The following LAMP2 variants were observed in gnomAD, a reference collection of about 807,000 sequenced individuals.
LAMP2 encodes lysosome-associated membrane glycoprotein 2.
LAMP2 carries 4 observed loss-of-function variants against 25.6 expected under a neutral mutation model. The ratio of observed to expected loss-of-function variants is 0.16; its 90% CI spans 0.08 to 0.36. The LOEUF is 0.36. Among genes scored for constraint, LAMP2 ranks in the 10% least tolerant of loss-of-function variants. The pLI, the probability that LAMP2 is intolerant of heterozygous loss-of-function variation, is 1.00. For synonymous variants in LAMP2, 108 were observed against 112.7 expected (o/e 0.96, Z 0.27); for missense variants, 272 against 301.4 (o/e 0.90, Z 0.72).
rs775432228 is a variant in LAMP2 at position 120,448,993 on chromosome X, T to C, written c.533A>G (p.Gln178Arg). The stretch of plus-strand genomic sequence containing the variant: ...ACCATTTGTGCTCACTGTGCCATTT[T>C]GGACAAAAGCTTGTACAAGAACATC... ...YWDVLVQAFV[Q>R]NGTVSTNEFL... is the part of the protein sequence containing the mutation. The change falls in exon 4 of 9, where the codon CAA becomes CGA. Residue 178 changes from glutamine (Q) to arginine (R), a missense_variant. Coordinates refer to ENST00000200639, the MANE Select transcript of LAMP2 (RefSeq NM_002294.3). The C allele has an allele frequency of 7.4e-6, 9 of 1,209,081 alleles. No homozygotes were observed. The East Asian group carries it at 2.7e-4, about 36-fold the overall frequency.
chrX:120,465,872 T>C (rs867991587), intron 1 of LAMP2, among the ~76,000 whole-genome samples: 7 of 112,284 alleles, frequency 6.2e-5, no homozygotes, highest in Non-Finnish European at 1.1e-4. Flanking sequence ...CATTTTGATA[T>C]AGAAAAGTAA....
chrX:120,463,914 C>T (rs779157620), intron 1 of LAMP2, among the ~76,000 whole-genome samples: 12 of 104,571 alleles, frequency 1.1e-4, no homozygotes, highest in African/African-American at 3.3e-4. Flanking sequence ...TTCTGTTTTT[C>T]GTTTTTTTTT....
At chrX:120,468,279 G>T (rs1055973837) in intron 1 of LAMP2, among the ~76,000 whole-genome samples, 1 of 111,236 alleles carries the variant, frequency 9.0e-6, no homozygotes, top group South Asian at 3.8e-4. Context: ...AACGTCTGGG[G>T]ATTTTTTTGT....
rs2058513242 is a variant in LAMP2 at position 120,429,278 on chromosome X, T to C, written c.*2045A>G. On this transcript the variant is annotated 3_prime_UTR_variant, in exon 9 of 9. Coordinates refer to ENST00000200639, the MANE Select transcript of LAMP2 (RefSeq NM_002294.3). The stretch of plus-strand genomic sequence containing the variant: ...CCACCGAACCACCAGGAAAGCAACA[T>C]GTGCAATGTAGATTTTGAGTTCTGG... The C allele has an allele frequency of 2.7e-6, 2 of 746,737 alleles. No homozygotes were observed. The highest frequency in any genetic ancestry group is 9.0e-5 in the Admixed American group (1 of 11,161). 61.5% of individuals were successfully genotyped at this position (746,737 alleles called of 1,213,427 possible).
At chrX:120,441,316 G>A (rs1602531848) in intron 8 of LAMP2, among the ~76,000 whole-genome samples, 1 of 112,052 alleles carries the variant, frequency 8.9e-6, no homozygotes, top group Non-Finnish European at 1.9e-5. Flanking sequence ...CATGATATTT[G>A]AGGCTTTGCT....
At chrX:120,464,583 G>T (rs1005017578) in intron 1 of LAMP2, among the ~76,000 whole-genome samples, 2 of 111,492 alleles carry the variant, frequency 1.8e-5, no homozygotes, top group African/African-American at 6.5e-5. Context: ...TTCCCCAGAT[G>T]GTCACATGGC....
At chrX:120,433,740 T>G (rs2058531990) in intron 8 of LAMP2, among the ~76,000 whole-genome samples, 1 of 112,051 alleles carries the variant, frequency 8.9e-6, no homozygotes, top group African/African-American at 3.2e-5. Flanking sequence ...CTTGTTGCCC[T>G]AGTTCTCTGC....
At position 120,427,776 on chromosome X, in the gene LAMP2, A is replaced by T. The variant is rs994007432; in HGVS notation, c.*3547T>A. 3 of 111,417 alleles carry T rather than the reference A, an allele frequency of 2.7e-5. No individual in the cohort carries two copies. Among genetic ancestry groups the T allele is most frequent in the South Asian group, 3.7e-4 (1 of 2,700 alleles). The allele number at this position is 111,417 out of a possible 1,213,427, so 9.2% of individuals were successfully genotyped here. ...GGTGTTCCAAATCAACACCTTTTTTAAAAAAAGCTGGAGGTCTTACTTCAT... is the reference window on the plus strand; with the variant it reads ...GGTGTTCCAAATCAACACCTTTTTTTAAAAAAGCTGGAGGTCTTACTTCAT... On this transcript the variant is annotated 3_prime_UTR_variant, in exon 9 of 9. Transcript: ENST00000200639.
chrX:120,444,120 G>A (rs1490382617), intron 6 of LAMP2, among the ~76,000 whole-genome samples: 1 of 112,073 alleles, frequency 8.9e-6, no homozygotes, highest in Non-Finnish European at 1.9e-5. Flanking sequence ...GGAAGGTTAA[G>A]TTGATGTAGA....
At chrX:120,463,032 A>G (rs1214301565) in intron 1 of LAMP2, among the ~76,000 whole-genome samples, 2 of 112,049 alleles carry the variant, frequency 1.8e-5, no homozygotes, top group Admixed American at 1.9e-4. Flanking sequence ...TAAATTCTGG[A>G]CTCTTGTCCT....
rs758771784 is a variant in LAMP2 at position 120,436,780 on chromosome X, T to C, written c.1093+4950A>G. 4.4e-5 allele frequency: 31 copies of C among 711,257 alleles called. 1 individual carries two copies. The South Asian group carries it at 2.1e-3, about 48-fold the overall frequency. The allele number at this position is 711,257 out of a possible 1,213,427, so 58.6% of individuals were successfully genotyped here. ...GGAAATAATAGTGTAAATAGCAGTA[T>C]ATAAACTGGCCCATGTAAAATACAA... On this transcript the variant is annotated intron_variant, in intron 8 of 8. Transcript: ENST00000200639.
Position 120,446,292 on chromosome X carries a change from A to G in LAMP2, c.864+13T>C. ...AAGAGAATGAACCTAACTTTAAAAA[A>G]TCTGTTACTCACCACAGCAAAGACA... On this transcript the variant is annotated intron_variant, in intron 6 of 8. Coordinates refer to ENST00000200639, the MANE Select transcript of LAMP2 (RefSeq NM_002294.3). 8.3e-7 allele frequency: 1 copy of G among 1,204,273 alleles called. No homozygotes were observed. The highest frequency in any genetic ancestry group is 1.1e-6 in the Non-Finnish European group (1 of 889,192).
intron 6 of LAMP2, among the ~76,000 whole-genome samples, chrX:120,445,492 A>T (rs1341748473): frequency 1.8e-5 from 2 of 112,401 alleles, no homozygotes; most frequent in African/African-American, 3.2e-5. Flanking sequence ...CTGATTTAAA[A>T]ACAGAACTGG....
chrX:120,452,850 G>A (rs942808036), intron 3 of LAMP2, among the ~76,000 whole-genome samples: 1 of 108,078 alleles, frequency 9.3e-6, no homozygotes, highest in East Asian at 2.9e-4. Context: ...TACCATTCTC[G>A]ACCTAAATCA....
intron 8 of LAMP2, among the ~76,000 whole-genome samples, chrX:120,440,238 A>T (rs1425521178): frequency 8.9e-6 from 1 of 111,734 alleles, no homozygotes; most frequent in African/African-American, 3.3e-5. Context: ...TAGTGGCTGC[A>T]AAGTCAAGAA....
At chrX:120,456,911 T>A (rs12687844) in intron 1 of LAMP2, 142 bp from the exon 2 acceptor site, 2 of 370,696 alleles carry the variant, frequency 5.4e-6, no homozygotes, top group African/African-American at 5.2e-5. Flanking sequence ...CACATACATA[T>A]ATATACATAT....
At chrX:120,468,880 C>A (rs1426480914) in intron 1 of LAMP2, among the ~76,000 whole-genome samples, 1 of 111,603 alleles carries the variant, frequency 9.0e-6, no homozygotes. Flanking sequence ...GCGTCCACCC[C>A]CCGTTACCGG....
chrX:120,455,494 T>C lies in LAMP2; in HGVS notation c.260A>G (p.Lys87Arg). 1 of 1,210,684 alleles carries C rather than the reference T, an allele frequency of 8.3e-7. No individual in the cohort carries two copies. The highest frequency in any genetic ancestry group is 1.1e-6 in the Non-Finnish European group (1 of 894,751). ...GCCAGGTCCGAACTGCACTGCTATTTTGGGACCATTCTGATCATCCCCACA... is the reference window on the plus strand; with the variant it reads ...GCCAGGTCCGAACTGCACTGCTATTCTGGGACCATTCTGATCATCCCCACA... The part of the protein sequence containing the change: ...SICGDDQNGP[K>R]IAVQFGPGFS... The change falls in exon 3 of 9, where the codon AAA (lysine) becomes AGA (arginine). Residue 87 changes from lysine to arginine, a missense_variant. Physicochemically the swap from Lys to Arg is conservative, Grantham distance 26. Coordinates refer to ENST00000200639, the MANE Select transcript of LAMP2 (RefSeq NM_002294.3).
rs1322258506 is a variant in LAMP2, at chrX:120,431,443, A to G, written c.1113T>C (p.Asp371=). The G allele has an allele frequency of 8.3e-7, 1 of 1,208,540 alleles. No individual in the cohort carries two copies. Among genetic ancestry groups the G allele is most frequent in the Non-Finnish European group, 1.1e-6 (1 of 893,516 alleles). The change falls in exon 9 of 9, where the codon GAT becomes GAC. Residue 371 remains aspartate (D), a synonymous_variant. Transcript: ENST00000200639. The part of the protein sequence containing the change: ...KYSTAQDCSA[D]DDNFLVPIAV... Reference sequence around the variant, plus strand: ...CTATGGGCACAAGGAAGTTGTCGTCATCTGCACTGCAGTCTTGAGCTAGAT... The same window carrying G: ...CTATGGGCACAAGGAAGTTGTCGTCGTCTGCACTGCAGTCTTGAGCTAGAT...
Sources: gnomAD v4.1 joint callset for allele counts (sites outside exome capture counted in the v4.1 genomes callset) on GRCh38, gnomAD v4.1.1 for gene constraint, MANE v1.5 for transcripts, NCBI Gene and HGNC (gene_info 2026-07-23, HGNC 2026-07-21) for gene names.